The following TTLL11 variants were observed in gnomAD, a reference collection of about 807,000 sequenced individuals.
The protein encoded by TTLL11 is tubulin polyglutamylase TTLL11.
Under a neutral mutation model 51.7 loss-of-function variants are expected in TTLL11, and 42 were observed. That is an observed-to-expected ratio of 0.81 (90% CI 0.64 to 1.05). TTLL11 has a LOEUF of 1.05. Ranked by LOEUF, TTLL11 falls within the 50% of genes least tolerant of loss-of-function variation. The pLI is 0.00. For missense variants in TTLL11, 799 were observed against 940.4 expected (o/e 0.85, Z 1.97); for synonymous variants, 381 against 383.5 (o/e 0.99, Z 0.08).
chr9:121,896,975 A>G (rs1292704891), intron 6 of TTLL11, among the ~76,000 whole-genome samples: 2 of 152,134 alleles, frequency 1.3e-5, no homozygotes, highest in Non-Finnish European at 2.9e-5. Context: ...GTCAGTGTCA[A>G]CCAATCACCT....
rs566547310 is a variant in TTLL11, at chr9:122,004,726, G to A, written c.694-14956C>T. ...GTACTGCAAGGCCACATATGTCACC[G>A]TGGATGGAATCAAATGCAGTCTGGC... On this transcript the variant is annotated intron_variant, in intron 3 of 8. Transcript: ENST00000321582. Among the ~76,000 whole-genome samples, 177 of 152,326 alleles carry A rather than the reference G, an allele frequency of 1.2e-3. 1 individual carries two copies. Among genetic ancestry groups the A allele is most frequent in the African/African-American group, 4.1e-3 (172 of 41,562 alleles).
chr9:121,893,561 C>T (rs1331856568), intron 6 of TTLL11, among the ~76,000 whole-genome samples: 3 of 152,188 alleles, frequency 2.0e-5, no homozygotes, highest in Non-Finnish European at 4.4e-5. Flanking sequence ...GGACTCATAT[C>T]AAGTCTTTCT....
Position 121,853,717 on chromosome 9 carries a change from T to C in TTLL11, c.1840+6620A>G, listed in dbSNP as rs114231686. On this transcript the variant is annotated intron_variant, in intron 8 of 8. Coordinates refer to ENST00000321582, the MANE Select transcript of TTLL11 (RefSeq NM_001139442.2). The surrounding 1 kb of genome is among the most constrained non-coding windows in gnomAD (Gnocchi z 5.6). ...GAGGCTGCCAGCACCACATTTCCTC[T>C]GTCTTCCCCAGCCTCACTGTCCCCA... is the stretch of plus-strand genomic sequence containing the variant. Among the ~76,000 whole-genome samples, 2,654 of 152,300 alleles carry C rather than the reference T, an allele frequency of 0.017. 81 individuals carry two copies. Among genetic ancestry groups the C allele is most frequent in the African/African-American group, 0.06 (2,510 of 41,556 alleles).
At position 122,031,717 on chromosome 9, in the gene TTLL11, A is replaced by T; in HGVS notation, c.693+6T>A. On this transcript the variant is annotated splice_donor_region_variant and intron_variant, in intron 3 of 8. Coordinates refer to ENST00000321582, the MANE Select transcript of TTLL11 (RefSeq NM_001139442.2). ...TCAGGGGTCATGGGGACGGAGTGCC[A>T]TCTACCTGAGCAACAAAGAGCTGGA... 6.2e-7 allele frequency: 1 copy of T among 1,612,286 alleles called. No individual in the cohort carries two copies. Among genetic ancestry groups the T allele is most frequent in the South Asian group, 1.1e-5 (1 of 90,996 alleles).
chr9:121,929,343 G>C (rs143308490), intron 6 of TTLL11, among the ~76,000 whole-genome samples: 5 of 152,082 alleles, frequency 3.3e-5, no homozygotes, highest in Non-Finnish European at 5.9e-5. Context: ...AGGAGGCTGA[G>C]GCAGGAAAAT....
chr9:122,074,902 G>A (rs80156172), intron 1 of TTLL11, among the ~76,000 whole-genome samples: 1 of 150,850 alleles, frequency 6.6e-6, no homozygotes, highest in African/African-American at 2.4e-5. Flanking sequence ...AAAAAAAAAA[G>A]ACCTTGTTGA....
chr9:121,938,305 A>AAAAT (rs1255698795), intron 6 of TTLL11, among the ~76,000 whole-genome samples: 1 of 151,882 alleles, frequency 6.6e-6, no homozygotes, highest in Non-Finnish European at 1.5e-5. Flanking sequence ...AAAAAAAAAA[A>AAAAT]AATCAGGAAT....
At chr9:121,896,041 T>C (rs1839507711) in intron 6 of TTLL11, among the ~76,000 whole-genome samples, 1 of 138,610 alleles carries the variant, frequency 7.2e-6, no homozygotes, top group Non-Finnish European at 1.6e-5. Flanking sequence ...TGTGTGGTTG[T>C]GTACATTTGT....
At chr9:122,082,557 G>C (rs1342745932) in intron 1 of TTLL11, among the ~76,000 whole-genome samples, 1 of 148,052 alleles carries the variant, frequency 6.8e-6, no homozygotes, top group East Asian at 2.0e-4. Context: ...CCCACTCTTT[G>C]TAATAGCAAA....
chr9:121,983,389 G>A (rs975493197), intron 4 of TTLL11, among the ~76,000 whole-genome samples: 3 of 152,190 alleles, frequency 2.0e-5, no homozygotes, highest in African/African-American at 7.2e-5. Flanking sequence ...CTCAAGGAAA[G>A]GTCAGGACTG....
At chr9:121,967,166 C>G (rs543736833) in intron 6 of TTLL11, among the ~76,000 whole-genome samples, 1 of 148,672 alleles carries the variant, frequency 6.7e-6, no homozygotes, top group East Asian at 2.0e-4. Context: ...TATTGTCTTG[C>G]CAGGACACAG....
At chr9:121,859,572 T>A (rs924830131) in intron 8 of TTLL11, among the ~76,000 whole-genome samples, 1 of 152,152 alleles carries the variant, frequency 6.6e-6, no homozygotes, top group Non-Finnish European at 1.5e-5. Flanking sequence ...AGGAAACTCA[T>A]CCACCTAAAG....
At chr9:121,937,622 T>A (rs559218644) in intron 6 of TTLL11, among the ~76,000 whole-genome samples, 1 of 150,552 alleles carries the variant, frequency 6.6e-6, no homozygotes, top group Non-Finnish European at 1.5e-5. Flanking sequence ...TGTTTGGTGA[T>A]TCGATGGCTA....
chr9:122,051,638 C>T (rs1330114904), intron 1 of TTLL11, among the ~76,000 whole-genome samples: 1 of 152,180 alleles, frequency 6.6e-6, no homozygotes, highest in African/African-American at 2.4e-5. Flanking sequence ...CTTTCTCTCT[C>T]TCTGTGTCTC....
intron 1 of TTLL11, among the ~76,000 whole-genome samples, chr9:122,075,565 A>G (rs1588260408): frequency 6.6e-6 from 1 of 152,212 alleles, no homozygotes; most frequent in African/African-American, 2.4e-5. Context: ...TTCCAAAAAG[A>G]ACGCCTTAGG....
chr9:122,026,666 G>A (rs1172202605), intron 3 of TTLL11, among the ~76,000 whole-genome samples: 2 of 152,028 alleles, frequency 1.3e-5, no homozygotes, highest in Non-Finnish European at 2.9e-5. Flanking sequence ...TAGGCTCTCT[G>A]CAGAGTCTCA....
At chr9:121,908,797 G>T (rs1360963064) in intron 6 of TTLL11, among the ~76,000 whole-genome samples, 2 of 152,128 alleles carry the variant, frequency 1.3e-5, no homozygotes, top group African/African-American at 4.8e-5. Context: ...CTCTCTGTGT[G>T]TCTGTGTCCA....
intron 1 of TTLL11, among the ~76,000 whole-genome samples, chr9:122,074,737 CA>C (rs11427901): frequency 1.5e-3 from 187 of 126,664 alleles, no homozygotes; most frequent in South Asian, 4.6e-3. Flanking sequence ...TTCGTCTCTA[CA>C]AAAAAAAAAA....
chr9:121,900,398 CT>C (rs1346606979), intron 6 of TTLL11, among the ~76,000 whole-genome samples: 1 of 152,226 alleles, frequency 6.6e-6, no homozygotes, highest in African/African-American at 2.4e-5. Flanking sequence ...CCTTGTATCT[CT>C]GGTAGCTTTT....
Sources: gnomAD v4.1 joint callset for allele counts (sites outside exome capture counted in the v4.1 genomes callset) on GRCh38, gnomAD v4.1.1 for gene constraint, Gnocchi (gnomAD v3.1) non-coding constraint, MANE v1.5 for transcripts, NCBI Gene and HGNC (gene_info 2026-07-23, HGNC 2026-07-21) for gene names.